Variants in IL1RAPL1 observed in about 807,000 individuals in gnomAD.
IL1RAPL1 encodes interleukin 1 receptor accessory protein like 1.
A neutral mutation model predicts 48.4 loss-of-function variants in IL1RAPL1; 3 were observed. That is an observed-to-expected ratio of 0.06 (90% CI 0.03 to 0.16). IL1RAPL1 has a LOEUF of 0.16. Ranked by LOEUF, IL1RAPL1 falls within the 10% of genes least tolerant of loss-of-function variation. The probability of loss-of-function intolerance (pLI) is 1.00; values close to 1 mark genes in which losing one functional copy is unlikely to be tolerated. For synonymous variants in IL1RAPL1, 185 were observed against 187.7 expected (o/e 0.99, Z 0.12); for missense variants, 349 against 530.6 (o/e 0.66, Z 3.36).
chrX:29,356,500 C>G (rs1286327376), intron 3 of IL1RAPL1, among the ~76,000 whole-genome samples: 4 of 80,146 alleles, frequency 5.0e-5, no homozygotes, highest in African/African-American at 1.8e-4. Flanking sequence ...TATAGACATG[C>G]ATATATACAC....
intron 2 of IL1RAPL1, among the ~76,000 whole-genome samples, chrX:29,039,468 A>G (rs971556249): frequency 1.6e-4 from 18 of 111,428 alleles, no homozygotes; most frequent in African/African-American, 5.5e-4. Context: ...TTCCTGTAAA[A>G]ACGGAATTCA....
chrX:29,639,780 C>T (rs757590546), intron 5 of IL1RAPL1, among the ~76,000 whole-genome samples: 13 of 111,101 alleles, frequency 1.2e-4, no homozygotes, highest in Non-Finnish European at 2.1e-4. Context: ...TCAAAGCTAA[C>T]CTTTAAAGAC....
intron 2 of IL1RAPL1, among the ~76,000 whole-genome samples, chrX:29,089,447 G>T (rs1210247325): frequency 9.2e-6 from 1 of 109,141 alleles, no homozygotes; most frequent in Non-Finnish European, 1.9e-5. Context: ...ACAAAACAGT[G>T]TTAACTGTAG....
chrX:29,253,938 A>C (rs1164073774), intron 2 of IL1RAPL1, among the ~76,000 whole-genome samples: 1 of 111,822 alleles, frequency 8.9e-6, no homozygotes, highest in Non-Finnish European at 1.9e-5. Flanking sequence ...GTATAATATT[A>C]ATGAAAGTCA....
intron 2 of IL1RAPL1, among the ~76,000 whole-genome samples, chrX:28,977,875 C>G (rs1048414228): frequency 6.3e-5 from 7 of 111,498 alleles, no homozygotes; most frequent in African/African-American, 1.3e-4. Flanking sequence ...GAGAATTGCT[C>G]GAACCAGGAC....
chrX:29,403,962 C>T lies in IL1RAPL1; in HGVS notation c.703+4654C>T, dbSNP rs768248384. 3.2e-3 allele frequency among the ~76,000 whole-genome samples: 362 copies of T among 112,431 alleles called. 5 individuals carry two copies. Among genetic ancestry groups the T allele is most frequent in the African/African-American group, 0.011 (345 of 31,000 alleles). Reference sequence around the variant, plus strand: ...TCATTTCCAAAGTTGCTAAGGTCAGCACCTTTCCCCTCACCTGCTTCAGTG... The same window carrying T: ...TCATTTCCAAAGTTGCTAAGGTCAGTACCTTTCCCCTCACCTGCTTCAGTG... On this transcript the variant is annotated intron_variant, in intron 5 of 10. Transcript: ENST00000378993.
chrX:28,897,719 C>T (rs755178705), intron 2 of IL1RAPL1, among the ~76,000 whole-genome samples: 5 of 111,924 alleles, frequency 4.5e-5, no homozygotes, highest in South Asian at 3.8e-4. Context: ...AAATTTCACT[C>T]GCGTCTGTGT....
intron 2 of IL1RAPL1, among the ~76,000 whole-genome samples, chrX:29,079,991 T>G (rs1927765150): frequency 9.0e-6 from 1 of 110,960 alleles, no homozygotes; most frequent in South Asian, 3.8e-4. Context: ...GAAAACGGAG[T>G]GGTGTTCCTA....
intron 5 of IL1RAPL1, among the ~76,000 whole-genome samples, chrX:29,480,279 C>T (rs868403231): frequency 1.3e-5 from 1 of 74,154 alleles, no homozygotes; most frequent in African/African-American, 6.6e-5. Context: ...TATATGTATA[C>T]ACACACATAT....
chrX:28,731,230 TA>T (rs905128338), intron 1 of IL1RAPL1, among the ~76,000 whole-genome samples: 9 of 111,576 alleles, frequency 8.1e-5, no homozygotes, highest in Admixed American at 6.7e-4. Context: ...TTCATCATTA[TA>T]AAAAAAACAT....
intron 7 of IL1RAPL1, among the ~76,000 whole-genome samples, chrX:29,918,184 T>A (rs1184929407): frequency 6.9e-5 from 3 of 43,423 alleles, no homozygotes; most frequent in African/African-American, 1.9e-4. Context: ...GAGATCAAAA[T>A]ACCATAAAAT....
chrX:29,131,274 G>GTGTA (rs1555967264), intron 2 of IL1RAPL1, among the ~76,000 whole-genome samples: 14 of 103,996 alleles, frequency 1.3e-4, no homozygotes, highest in Non-Finnish European at 9.9e-5. Context: ...GTGTGTGTGT[G>GTGTA]TATATATATA....
intron 1 of IL1RAPL1, among the ~76,000 whole-genome samples, chrX:28,652,150 T>C (rs949351157): frequency 9.0e-6 from 1 of 111,422 alleles, no homozygotes; most frequent in Non-Finnish European, 1.9e-5. Flanking sequence ...GAGTCTTAAA[T>C]CTGGGCAAGC....
rs746463026 is a variant in IL1RAPL1 at position 28,759,795 on chromosome X, G to A, written c.-24-29525G>A. On this transcript the variant is annotated intron_variant, in intron 1 of 10. Transcript: ENST00000378993. ...TTGGTGGAGATGCTTGAGTATGGAA[G>A]GATTAGGGTGAAACCTCCTGAACCA... Among the ~76,000 whole-genome samples the A allele has an allele frequency of 3.6e-5, 4 of 111,649 alleles. No homozygotes were observed. In the South Asian group the frequency reaches 1.1e-3, roughly 32 times the overall value.
chrX:28,947,435 T>C (rs1028211078), intron 2 of IL1RAPL1, among the ~76,000 whole-genome samples: 4 of 111,184 alleles, frequency 3.6e-5, no homozygotes, highest in Non-Finnish European at 7.6e-5. Context: ...GGTCCATTTC[T>C]TGGAAAGCCC....
intron 5 of IL1RAPL1, among the ~76,000 whole-genome samples, chrX:29,444,647 C>A (rs1230382194): frequency 8.9e-6 from 1 of 111,773 alleles, no homozygotes; most frequent in African/African-American, 3.2e-5. Context: ...GAATTAGTAG[C>A]TCCAGAATGT....
At chrX:28,874,817 GC>G (rs1245165908) in intron 2 of IL1RAPL1, among the ~76,000 whole-genome samples, 2 of 112,077 alleles carry the variant, frequency 1.8e-5, no homozygotes, top group Non-Finnish European at 3.8e-5. Context: ...TGTTACATTT[GC>G]TTTTCTGATA....
intron 2 of IL1RAPL1, among the ~76,000 whole-genome samples, chrX:29,027,922 TTGTGTGTGTGTG>T (rs751730303): frequency 9.5e-6 from 1 of 104,718 alleles, no homozygotes; most frequent in South Asian, 4.2e-4. Flanking sequence ...AGATTTCTTT[TTGTGTGTGTGTG>T]TGTGTGTGTG....
At chrX:29,807,621 C>CA (rs60391165) in intron 6 of IL1RAPL1, among the ~76,000 whole-genome samples, 1,135 of 25,988 alleles carry the variant, frequency 0.044, 185 homozygotes, top group Middle Eastern at 0.1. Flanking sequence ...TCTCTCAAGA[C>CA]AAAAAAAAAA....
Sources: allele counts gnomAD v4.1 joint callset (sites outside exome capture counted in the v4.1 genomes callset), GRCh38; gene constraint gnomAD v4.1.1; transcripts MANE v1.5; gene names NCBI Gene and HGNC (gene_info 2026-07-23, HGNC 2026-07-21).